NFYC: variants seen among roughly 807,000 people sequenced by gnomAD.
The protein encoded by NFYC is nuclear transcription factor Y subunit gamma.
In NFYC, 25 loss-of-function variants were observed where a neutral mutation model predicts 53.1. That is an observed-to-expected ratio of 0.47 (90% CI 0.34 to 0.66). The LOEUF is 0.66. Ranked by LOEUF, NFYC falls within the 30% of genes least tolerant of loss-of-function variation. The pLI, the probability that NFYC is intolerant of heterozygous loss-of-function variation, is 0.01. For synonymous variants in NFYC, 145 were observed against 152.6 expected, an observed-to-expected ratio of 0.95 and a Z score of 0.37; for missense variants, 260 against 422.7, an observed-to-expected ratio of 0.62 and a Z score of 3.38.
intron 1 of NFYC, among the ~76,000 whole-genome samples, chr1:40,717,913 A>G (rs1644196638): frequency 6.6e-6 from 1 of 152,274 alleles, no homozygotes; most frequent in South Asian, 2.1e-4. Context: ...ATTAATTACC[A>G]GGAATGAGAC....
At chr1:40,719,484 G>T (rs1305072992) in intron 1 of NFYC, among the ~76,000 whole-genome samples, 1 of 152,188 alleles carries the variant, frequency 6.6e-6, no homozygotes, top group Non-Finnish European at 1.5e-5. Context: ...CCCCCAGAAA[G>T]TGAACTTGAT....
At chr1:40,692,903 A>G (rs888716260) in intron 1 of NFYC, among the ~76,000 whole-genome samples, 1 of 152,218 alleles carries the variant, frequency 6.6e-6, no homozygotes, top group Non-Finnish European at 1.5e-5. Context: ...TCTCAGGACC[A>G]TACAAGTAGT....
chr1:40,745,704 CA>C (rs982903277), intron 2 of NFYC, among the ~76,000 whole-genome samples: 6 of 152,184 alleles, frequency 3.9e-5, no homozygotes, highest in Non-Finnish European at 8.8e-5. Context: ...CCCAATCCCT[CA>C]CTCTCCCTCC....
At chr1:40,737,171 G>A (rs1570538641) in intron 1 of NFYC, among the ~76,000 whole-genome samples, 1 of 149,638 alleles carries the variant, frequency 6.7e-6, no homozygotes, top group Admixed American at 6.7e-5. Context: ...AGACATTTCT[G>A]GTCCCCAGGC....
intron 1 of NFYC, chr1:40,695,587 A>G (rs1489906999): frequency 6.6e-6 from 1 of 151,804 alleles, no homozygotes; most frequent in Non-Finnish European, 1.5e-5. Context: ...CACCCAGCTA[A>G]TTTTTGTATT....
At position 40,760,611 on chromosome 1, in the gene NFYC, C is replaced by T. The variant is rs35559685; in HGVS notation, c.562-2277C>T. ...GCGGGCGCCTATAGTCCCAGCTACC[C>T]GGGGAGGCTGAGGCAGGAGAATCTC... On this transcript the variant is annotated intron_variant, in intron 6 of 9. Transcript: ENST00000447388. Among the ~76,000 whole-genome samples the T allele has an allele frequency of 8.8e-3, 1,338 of 151,634 alleles. 8 individuals are homozygous for T. Among genetic ancestry groups the T allele is most frequent in the Non-Finnish European group, 0.016 (1,090 of 67,930 alleles).
intron 5 of NFYC, among the ~76,000 whole-genome samples, chr1:40,757,055 T>C (rs1207514547): frequency 6.6e-6 from 1 of 152,220 alleles, no homozygotes; most frequent in African/African-American, 2.4e-5. Flanking sequence ...TCTGTGTACA[T>C]CTAAGAAGTG....
rs1645737343 is a variant in NFYC at position 40,748,469 on chromosome 1, A to G, written c.177+864A>G. On this transcript the variant is annotated intron_variant, in intron 3 of 9. Coordinates refer to ENST00000447388, the MANE Select transcript of NFYC (RefSeq NM_014223.5). ...CACAGTTCTGTTCACAGTGTAGTATATACATGTATCATCAAATCAACAGGA... is the reference window on the plus strand; with the variant it reads ...CACAGTTCTGTTCACAGTGTAGTATGTACATGTATCATCAAATCAACAGGA... Among the ~76,000 whole-genome samples the G allele has an allele frequency of 3.3e-5, 5 of 152,180 alleles. No individual in the cohort carries two copies. In the South Asian group the frequency reaches 1.0e-3, roughly 32 times the overall value.
chr1:40,692,732 C>A (rs1642900423), intron 1 of NFYC, among the ~76,000 whole-genome samples: 1 of 152,008 alleles, frequency 6.6e-6, no homozygotes, highest in Admixed American at 6.6e-5. Flanking sequence ...GCAAGTAAAC[C>A]GAGAGAGGAA....
chr1:40,749,030 C>T (rs1025134956), intron 3 of NFYC, among the ~76,000 whole-genome samples: 6 of 152,186 alleles, frequency 3.9e-5, no homozygotes, highest in African/African-American at 1.4e-4. Context: ...AAATCAGACA[C>T]ATCAAGAAAG....
At position 40,770,547 on chromosome 1, in the gene NFYC, T is replaced by C. The variant is rs1411360910; in HGVS notation, c.889-162T>C. 6.3e-7 allele frequency: 1 copy of C among 1,579,572 alleles called. No homozygotes were observed. The highest frequency in any genetic ancestry group is 8.6e-7 in the Non-Finnish European group (1 of 1,162,660). On this transcript the variant is annotated intron_variant, in intron 9 of 9. Coordinates refer to ENST00000447388, the MANE Select transcript of NFYC (RefSeq NM_014223.5). This position sits in a 1 kb window ranked among gnomAD's most constrained non-coding sequence, Gnocchi z 5.3. ...CCGGGCTGGTGCCTCCTGTGTCTGC[T>C]GCTCCCAACCCCAGCAGAGCTCCAC...
chr1:40,745,474 A>T (rs1645563503), intron 2 of NFYC, among the ~76,000 whole-genome samples: 1 of 152,154 alleles, frequency 6.6e-6, no homozygotes, highest in African/African-American at 2.4e-5. Context: ...TTAAACTTTT[A>T]AAAAAACTCT....
chr1:40,767,672 G>T (rs1273891148), intron 8 of NFYC, among the ~76,000 whole-genome samples: 1 of 152,244 alleles, frequency 6.6e-6, no homozygotes, highest in East Asian at 1.9e-4. Context: ...GAAGCTTCTT[G>T]GTTCCTCAGA....
At chr1:40,734,978 C>T (rs887432101) in intron 1 of NFYC, 4 of 151,986 alleles carry the variant, frequency 2.6e-5, no homozygotes, top group African/African-American at 9.7e-5. Flanking sequence ...ACTCTAAAAC[C>T]TAATGTAAAG....
chr1:40,709,160 C>T (rs1643859754), intron 1 of NFYC, among the ~76,000 whole-genome samples: 1 of 152,134 alleles, frequency 6.6e-6, no homozygotes, highest in Non-Finnish European at 1.5e-5. Flanking sequence ...TGAATCTGAC[C>T]CCTGTTCTGC....
At chr1:40,722,132 C>T (rs2148494833) in intron 1 of NFYC, among the ~76,000 whole-genome samples, 1 of 152,158 alleles carries the variant, frequency 6.6e-6, no homozygotes, top group Middle Eastern at 3.4e-3. Context: ...GATCATGCTA[C>T]TGCATTCCAG....
intron 9 of NFYC, among the ~76,000 whole-genome samples, chr1:40,769,679 G>T (rs990485624): frequency 6.6e-6 from 1 of 152,160 alleles, no homozygotes; most frequent in Non-Finnish European, 1.5e-5. Flanking sequence ...GATGGGAAGT[G>T]CCTTGTCCAT....
chr1:40,770,330 A>G lies in NFYC; in HGVS notation c.889-379A>G. The G allele has an allele frequency of 6.9e-7, 1 of 1,442,168 alleles. No homozygotes were observed. Among genetic ancestry groups the G allele is most frequent in the Non-Finnish European group, 9.4e-7 (1 of 1,068,148 alleles). The allele number at this position is 1,442,168 out of a possible 1,614,324, so 89.3% of individuals were successfully genotyped here. A position where few individuals can be genotyped will look rare whatever the true frequency, so the allele number is the denominator to read the frequency against. On this transcript the variant is annotated intron_variant, in intron 9 of 9. Transcript: ENST00000447388. The surrounding 1 kb of genome is among the most constrained non-coding windows in gnomAD (Gnocchi z 5.3). The stretch of plus-strand genomic sequence containing the variant: ...CTGCCCCTGCCAGTGTAGATTACCA[A>G]GAGTTGGGGAAATGCTGACTTCCAA...
chr1:40,726,403 C>G (rs1570454935), intron 1 of NFYC, among the ~76,000 whole-genome samples: 4 of 151,776 alleles, frequency 2.6e-5, no homozygotes, highest in African/African-American at 9.7e-5. Context: ...CAGGCGTGAG[C>G]CACCGCATCT....
Sources: allele counts gnomAD v4.1 joint callset (sites outside exome capture counted in the v4.1 genomes callset), GRCh38; gene constraint gnomAD v4.1.1; non-coding constraint Gnocchi (gnomAD v3.1); transcripts MANE v1.5; gene names NCBI Gene and HGNC (gene_info 2026-07-23, HGNC 2026-07-21).